The following MIB2 variants were observed in gnomAD, a reference collection of about 807,000 sequenced individuals.
The protein encoded by MIB2 is MIB E3 ubiquitin protein ligase 2.
In MIB2, 78 loss-of-function variants were observed where a neutral mutation model predicts 96.6. The ratio of observed to expected loss-of-function variants is 0.81; its 90% CI spans 0.67 to 0.97. MIB2 has a LOEUF of 0.97. Ranked by LOEUF, MIB2 falls within the 50% of genes least tolerant of loss-of-function variation. MIB2 has a pLI of 0.00. For synonymous variants in MIB2, 820 were observed against 629.5 expected (o/e 1.30, Z -4.53); for missense variants, 1,543 against 1,424.0 (o/e 1.08, Z -1.35).
intron 4 of MIB2, chr1:1,624,222 C>G (rs1312677706): frequency 1.9e-6 from 1 of 517,356 alleles, no homozygotes; most frequent in East Asian, 3.2e-5. Flanking sequence ...AGCACCTGGG[C>G]TGTCTTGGAG....
At chr1:1,620,007 C>G (rs116172997) in intron 2 of MIB2, among the ~76,000 whole-genome samples, 8 of 152,260 alleles carry the variant, frequency 5.3e-5, no homozygotes, top group African/African-American at 1.9e-4. Flanking sequence ...GCCCCTGTGA[C>G]GCGGGGGCCG....
chr1:1,628,052 A>ACCT lies in MIB2; in HGVS notation c.1714_1715insCCT (p.Ile572delinsThrPhe). ...CTCGGACACGCCCCTGCACTCCGCC[A>ACCT]TCTCGGCGGGCACTGGAGCCAGCGG... On this transcript the variant is annotated protein_altering_variant, in exon 14 of 20. Transcript: ENST00000355826. The ACCT allele has an allele frequency of 6.2e-7, 1 of 1,613,018 alleles. No individual in the cohort carries two copies. Among genetic ancestry groups the ACCT allele is most frequent in the Non-Finnish European group, 8.5e-7 (1 of 1,179,928 alleles).
chr1:1,623,338 A>G (rs1644430837), intron 2 of MIB2, 93 bp from the exon 3 acceptor site: 3 of 1,521,126 alleles, frequency 2.0e-6, no homozygotes, highest in South Asian at 2.5e-5. Context: ...CGCGGAGCCC[A>G]CTCTGACCGG....
At chr1:1,616,039 G>C (rs1643608296) in intron 1 of MIB2, 2 of 984,270 alleles carry the variant, frequency 2.0e-6, no homozygotes, top group Admixed American at 6.2e-5. Flanking sequence ...ACTGGCCGGC[G>C]GTCCCGCGCC....
Position 1,625,464 on chromosome 1 carries a change from C to A in MIB2, c.864+36C>A. On this transcript the variant is annotated intron_variant, in intron 7 of 19. Coordinates refer to ENST00000355826, the MANE Select transcript of MIB2 (RefSeq NM_001170687.4). The surrounding 1 kb of genome is among the most constrained non-coding windows in gnomAD (Gnocchi z 5.0). ...CCGCCGTGGAGCCCTGTGTGCCCTG[C>A]CCTCCCAGCCCTCCGCCCCCTCAGC... 1 of 1,555,522 alleles carries A rather than the reference C, an allele frequency of 6.4e-7. No individual in the cohort carries two copies. Among genetic ancestry groups the A allele is most frequent in the Non-Finnish European group, 8.7e-7 (1 of 1,148,578 alleles).
intron 2 of MIB2, 124 bp from the exon 3 acceptor site, chr1:1,623,307 C>A: frequency 6.9e-7 from 1 of 1,440,048 alleles, no homozygotes; most frequent in African/African-American, 1.5e-5. Context: ...CTGCCTGCCC[C>A]GTTGGGCCTC....
At chr1:1,615,403 C>T, upstream of MIB2, 2 of 1,455,558 alleles carry the variant, frequency 1.4e-6, no homozygotes, top group Non-Finnish European at 1.8e-6. Context: ...CGCAGACGCT[C>T]CCGCGTGACG....
chr1:1,628,754 G>T, intron 16 of MIB2, 32 bp downstream of exon 16: 1 of 1,453,686 alleles, frequency 6.9e-7, no homozygotes. Context: ...TGCTGGAGAG[G>T]CTGCGGTGGC....
rs751153285 is a variant in MIB2 at position 1,626,631 on chromosome 1, G to A, written c.973-19G>A. 10 of 1,530,258 alleles carry A rather than the reference G, an allele frequency of 6.5e-6. No individual in the cohort carries two copies. Among genetic ancestry groups the A allele is most frequent in the East Asian group, 4.6e-5 (2 of 43,364 alleles). 94.8% of individuals were successfully genotyped at this position (1,530,258 alleles called of 1,614,324 possible). A position where few individuals can be genotyped will look rare whatever the true frequency, so the allele number is the denominator to read the frequency against. On this transcript the variant is annotated intron_variant, in intron 8 of 19. Transcript: ENST00000355826. This position sits in a 1 kb window ranked among gnomAD's most constrained non-coding sequence, Gnocchi z 5.3. Reference sequence around the variant, plus strand: ...CACACACAGCTGGGGGGCCCCTCACGCCCCTCTTTGTCGCTCAGCACCACT... The same window carrying A: ...CACACACAGCTGGGGGGCCCCTCACACCCCTCTTTGTCGCTCAGCACCACT...
chr1:1,628,439 G>T (rs779392736), intron 15 of MIB2, 40 bp downstream of exon 15: 1 of 1,601,322 alleles, frequency 6.2e-7, no homozygotes, highest in Admixed American at 1.7e-5. Flanking sequence ...ACCGGGGAGC[G>T]GGAGGCCCAC....
rs781538425 is a variant in MIB2, at chr1:1,625,101, G to C, written c.637G>C (p.Val213Leu). The C allele has an allele frequency of 6.2e-7, 1 of 1,613,424 alleles. No individual in the cohort carries two copies. The highest frequency in any genetic ancestry group is 1.1e-5 in the South Asian group (1 of 91,092). Residue 213 changes from valine (V) to leucine (L), a missense_variant, in exon 6 of 20, where the codon GTG (valine) becomes CTG (leucine). Transcript: ENST00000355826. The surrounding 1 kb of genome is among the most constrained non-coding windows in gnomAD (Gnocchi z 5.0). ...TGATGGTACCACCAATGTGTACCGTGTGGGCCACAAGGGCAAGGTGGACCT... is the reference window on the plus strand; with the variant it reads ...TGATGGTACCACCAATGTGTACCGTCTGGGCCACAAGGGCAAGGTGGACCT... The part of the protein sequence containing the change: ...WADGTTNVYR[V>L]GHKGKVDLKC...
Position 1,626,604 on chromosome 1 carries a change from G to T in MIB2, c.973-46G>T. On this transcript the variant is annotated intron_variant, in intron 8 of 19. Transcript: ENST00000355826. The surrounding 1 kb of genome is among the most constrained non-coding windows in gnomAD (Gnocchi z 5.3). ...CCCTCCTGTTGCATGAGCCTGGGCA[G>T]CCACACACAGCTGGGGGGCCCCTCA... 6.9e-7 allele frequency: 1 copy of T among 1,456,438 alleles called. No homozygotes were observed. 90.2% of individuals were successfully genotyped at this position (1,456,438 alleles called of 1,614,324 possible). A position where few individuals can be genotyped will look rare whatever the true frequency, so the allele number is the denominator to read the frequency against.
At position 1,625,515 on chromosome 1, in the gene MIB2, G is replaced by A. The variant is rs1204508609; in HGVS notation, c.865-31G>A. Reference sequence around the variant, plus strand: ...CCCTTCCTCCCCAAGCGTCCAGCCCGACCCAGCCACAGCTCCATGACCCGC... The same window carrying A: ...CCCTTCCTCCCCAAGCGTCCAGCCCAACCCAGCCACAGCTCCATGACCCGC... On this transcript the variant is annotated intron_variant, in intron 7 of 19. Transcript: ENST00000355826. The surrounding 1 kb of genome is among the most constrained non-coding windows in gnomAD (Gnocchi z 5.0). The A allele has an allele frequency of 9.3e-6, 12 of 1,287,494 alleles. No homozygotes were observed. Among genetic ancestry groups the A allele is most frequent in the Middle Eastern group, 2.1e-4 (1 of 4,800 alleles). 79.8% of individuals were successfully genotyped at this position (1,287,494 alleles called of 1,614,324 possible).
intron 12 of MIB2, 68 bp from the exon 13 acceptor site, chr1:1,627,605 C>T (rs553300629): frequency 3.4e-5 from 52 of 1,525,102 alleles, no homozygotes; most frequent in East Asian, 1.4e-4. Flanking sequence ...TCGGGCCTGG[C>T]GGGGCTGAGC....
chr1:1,621,507 A>G (rs576236671), intron 2 of MIB2, among the ~76,000 whole-genome samples: 34 of 144,706 alleles, frequency 2.3e-4, no homozygotes, highest in Non-Finnish European at 4.4e-5. Context: ...ACATCTCGGC[A>G]GCGTCACCCG....
At position 1,624,979 on chromosome 1, in the gene MIB2, C is replaced by G. The variant is rs762932293; in HGVS notation, c.527-12C>G. Reference sequence around the variant, plus strand: ...CTCAGCCTTAGCCTGCTGGGGGGGCCTCTTTCCCCAGGAGGGGAAGGGAAA... The same window carrying G: ...CTCAGCCTTAGCCTGCTGGGGGGGCGTCTTTCCCCAGGAGGGGAAGGGAAA... On this transcript the variant is annotated splice_polypyrimidine_tract_variant and intron_variant, in intron 5 of 19. Transcript: ENST00000355826. 3 of 1,608,866 alleles carry G rather than the reference C, an allele frequency of 1.9e-6. No individual in the cohort carries two copies. The highest frequency in any genetic ancestry group is 2.5e-6 in the Non-Finnish European group (3 of 1,177,256).
Position 1,623,648 on chromosome 1 carries a change from G to T in MIB2, c.196G>T (p.Ala66Ser). The change falls in exon 3 of 20, where the codon GCC becomes TCC. Residue 66 changes from alanine (A) to serine (S), a missense_variant. Ala to Ser is a moderately conservative substitution (Grantham distance 99). Coordinates refer to ENST00000355826, the MANE Select transcript of MIB2 (RefSeq NM_001170687.4). ...CCAGGGCACGCGCACCAACTACCGC[G>T]CCGGCTACCAGGGCGCGCACGACCT... ...WDQGTRTNYRAGYQGAHDLLL... is the reference protein window; with the variant it reads ...WDQGTRTNYRSGYQGAHDLLL... The T allele has an allele frequency of 6.8e-7, 1 of 1,477,858 alleles. No individual in the cohort carries two copies. Among genetic ancestry groups the T allele is most frequent in the Non-Finnish European group, 9.0e-7 (1 of 1,111,470 alleles). 91.5% of individuals were successfully genotyped at this position (1,477,858 alleles called of 1,614,324 possible). A position where few individuals can be genotyped will look rare whatever the true frequency, so the allele number is the denominator to read the frequency against.
Position 1,630,496 on chromosome 1 carries a change from A to G in MIB2, c.2834A>G (p.Gln945Arg). ...CTCAGCGCCTGCCCCATCTGCCGCCAGCCCATCCGCGACCGCATCCAGATC... is the reference window on the plus strand; with the variant it reads ...CTCAGCGCCTGCCCCATCTGCCGCCGGCCCATCCGCGACCGCATCCAGATC... ...SALSACPICR[Q>R]PIRDRIQIFV The change falls in exon 20 of 20, where the codon CAG becomes CGG. Residue 945 changes from glutamine (Q) to arginine (R), a missense_variant. Physicochemically the swap from Gln to Arg is conservative, Grantham distance 43. Coordinates refer to ENST00000355826, the MANE Select transcript of MIB2 (RefSeq NM_001170687.4). 1 of 1,592,742 alleles carries G rather than the reference A, an allele frequency of 6.3e-7. No individual in the cohort carries two copies. The highest frequency in any genetic ancestry group is 8.5e-7 in the Non-Finnish European group (1 of 1,175,056).
rs531745810 is a variant in MIB2, at chr1:1,629,016, C to T, written c.2203-117C>T. 431 of 1,156,846 alleles carry T rather than the reference C, an allele frequency of 3.7e-4. 1 individual carries two copies. In the African/African-American group the frequency reaches 6.2e-3, roughly 17 times the overall value. The allele number at this position is 1,156,846 out of a possible 1,614,324, so 71.7% of individuals were successfully genotyped here. ...CCCACTTGGGTTCCGGAAGAGGTGC[C>T]CTTGCCTTGTATTTTAGACATGGGG... On this transcript the variant is annotated intron_variant, in intron 16 of 19. Coordinates refer to ENST00000355826, the MANE Select transcript of MIB2 (RefSeq NM_001170687.4).
Sources: allele counts gnomAD v4.1 joint callset (sites outside exome capture counted in the v4.1 genomes callset), GRCh38; gene constraint gnomAD v4.1.1; non-coding constraint Gnocchi (gnomAD v3.1); transcripts MANE v1.5; gene names NCBI Gene and HGNC (gene_info 2026-07-23, HGNC 2026-07-21).